The following KCNB2 variants were observed in gnomAD, a reference collection of about 807,000 sequenced individuals.
The protein encoded by KCNB2 is potassium voltage-gated channel subfamily B member 2, also known as delayed rectifier potassium channel protein.
In KCNB2, 15 loss-of-function variants were observed where a neutral mutation model predicts 61.5. The ratio of observed to expected loss-of-function variants is 0.24; its 90% CI spans 0.16 to 0.38. KCNB2 has a LOEUF of 0.38. Among genes scored for constraint, KCNB2 ranks in the 10% least tolerant of loss-of-function variants. KCNB2 has a pLI of 1.00. For missense variants in KCNB2, 828 were observed against 1,125.2 expected (o/e 0.74, Z 3.78); for synonymous variants, 457 against 446.0 (o/e 1.02, Z -0.31).
At chr8:72,647,937 C>G (rs1198274512) in intron 2 of KCNB2, among the ~76,000 whole-genome samples, 2 of 151,486 alleles carry the variant, frequency 1.3e-5, no homozygotes, top group Non-Finnish European at 3.0e-5. Flanking sequence ...CTCAGAGGGA[C>G]AGAAGGATTC....
intron 2 of KCNB2, among the ~76,000 whole-genome samples, chr8:72,776,090 T>C (rs1421870126): frequency 6.6e-6 from 1 of 152,186 alleles, no homozygotes; most frequent in South Asian, 2.1e-4. Flanking sequence ...GATGAGTTTA[T>C]GTCCTTTGTA....
At chr8:72,764,203 A>G (rs886526046) in intron 2 of KCNB2, among the ~76,000 whole-genome samples, 1 of 152,198 alleles carries the variant, frequency 6.6e-6, no homozygotes, top group Non-Finnish European at 1.5e-5. Context: ...GAAAGGCAGG[A>G]TGGATAAGAT....
chr8:72,677,985 T>C (rs571333248), intron 2 of KCNB2, among the ~76,000 whole-genome samples: 19 of 152,298 alleles, frequency 1.2e-4, no homozygotes, highest in African/African-American at 4.3e-4. Context: ...TATCTGTTAC[T>C]AGACATCTAT....
At chr8:72,749,150 G>A (rs1175058870) in intron 2 of KCNB2, among the ~76,000 whole-genome samples, 1 of 151,896 alleles carries the variant, frequency 6.6e-6, no homozygotes, top group Non-Finnish European at 1.5e-5. Flanking sequence ...TTGAGACCAG[G>A]TCTCACTCTG....
chr8:72,867,756 A>G (rs896006174), intron 2 of KCNB2, among the ~76,000 whole-genome samples: 3 of 152,148 alleles, frequency 2.0e-5, no homozygotes, highest in African/African-American at 7.2e-5. Flanking sequence ...TATGACCTGA[A>G]CCATTCATCC....
chr8:72,735,381 C>CA (rs906722485), intron 2 of KCNB2, among the ~76,000 whole-genome samples: 17 of 151,738 alleles, frequency 1.1e-4, no homozygotes, highest in African/African-American at 2.9e-4. Context: ...TGTATCTTAC[C>CA]AAAAAAAATG....
intron 2 of KCNB2, among the ~76,000 whole-genome samples, chr8:72,654,060 T>A (rs1308975525): frequency 1.3e-5 from 2 of 152,170 alleles, no homozygotes; most frequent in Admixed American, 6.5e-5. Context: ...TATGCCATCT[T>A]GTTTAATTTT....
intron 1 of KCNB2, among the ~76,000 whole-genome samples, chr8:72,564,640 T>C (rs1806593872): frequency 6.6e-6 from 1 of 152,188 alleles, no homozygotes; most frequent in Non-Finnish European, 1.5e-5. Flanking sequence ...TTTTAACATA[T>C]ATATATAGTT....
At chr8:72,737,636 C>T (rs1377841145) in intron 2 of KCNB2, among the ~76,000 whole-genome samples, 2 of 152,138 alleles carry the variant, frequency 1.3e-5, no homozygotes, top group Non-Finnish European at 2.9e-5. Context: ...ATTGAGTCCT[C>T]TGCGGTAAGA....
intron 2 of KCNB2, among the ~76,000 whole-genome samples, chr8:72,797,765 A>G (rs1809054999): frequency 6.6e-6 from 1 of 152,210 alleles, no homozygotes; most frequent in South Asian, 2.1e-4. Flanking sequence ...TGCTGTGAAT[A>G]CATGACAACT....
chr8:72,639,782 A>G (rs561896084), intron 2 of KCNB2, among the ~76,000 whole-genome samples: 1 of 152,222 alleles, frequency 6.6e-6, no homozygotes, highest in South Asian at 2.1e-4. Context: ...GGGAGAGGGC[A>G]TGACATCGGT....
At chr8:72,832,663 G>T (rs1809718493) in intron 2 of KCNB2, among the ~76,000 whole-genome samples, 1 of 152,204 alleles carries the variant, frequency 6.6e-6, no homozygotes, top group African/African-American at 2.4e-5. Flanking sequence ...CAGTTCCACA[G>T]ATGCTGGCAG....
At chr8:72,731,757 A>G (rs1807741690) in intron 2 of KCNB2, among the ~76,000 whole-genome samples, 1 of 152,240 alleles carries the variant, frequency 6.6e-6, no homozygotes, top group Non-Finnish European at 1.5e-5. Flanking sequence ...TCATAAATCA[A>G]TATATGTCAC....
At chr8:72,644,488 G>T (rs1216383435) in intron 2 of KCNB2, among the ~76,000 whole-genome samples, 1 of 152,146 alleles carries the variant, frequency 6.6e-6, no homozygotes, top group Non-Finnish European at 1.5e-5. Flanking sequence ...GAGCCCCCAA[G>T]TATCGCCACC....
chr8:72,908,774 A>G (rs1481554033), intron 2 of KCNB2, among the ~76,000 whole-genome samples: 1 of 152,196 alleles, frequency 6.6e-6, no homozygotes, highest in Non-Finnish European at 1.5e-5. Flanking sequence ...TCCTTGGAAG[A>G]GTAATCAGCA....
intron 2 of KCNB2, among the ~76,000 whole-genome samples, chr8:72,649,377 G>A (rs1806179568): frequency 1.3e-5 from 2 of 152,106 alleles, no homozygotes; most frequent in African/African-American, 4.8e-5. Flanking sequence ...TGAGTCATGA[G>A]CCCTTTGGAT....
chr8:72,665,657 T>G (rs1806458109), intron 2 of KCNB2, among the ~76,000 whole-genome samples: 1 of 152,158 alleles, frequency 6.6e-6, no homozygotes, highest in African/African-American at 2.4e-5. Context: ...AGTTACTGAG[T>G]TCAATCGGAT....
At chr8:72,860,576 C>T (rs1367164372) in intron 2 of KCNB2, among the ~76,000 whole-genome samples, 4 of 152,164 alleles carry the variant, frequency 2.6e-5, no homozygotes, top group Admixed American at 6.5e-5. Flanking sequence ...GGCTTTTTGG[C>T]CTTTCCTGTT....
chr8:72,729,129 A>G (rs768200405), intron 2 of KCNB2, among the ~76,000 whole-genome samples: 1 of 152,192 alleles, frequency 6.6e-6, no homozygotes, highest in African/African-American at 2.4e-5. Flanking sequence ...TGTCATCTGC[A>G]CAATGAGGAG....
Sources: gnomAD v4.1 joint callset for allele counts (sites outside exome capture counted in the v4.1 genomes callset) on GRCh38, gnomAD v4.1.1 for gene constraint, MANE v1.5 for transcripts, NCBI Gene and HGNC (gene_info 2026-07-23, HGNC 2026-07-21) for gene names.